The following BAZ1A variants were observed in gnomAD, a reference collection of about 807,000 sequenced individuals.
BAZ1A encodes the protein bromodomain adjacent to zinc finger domain 1A.
In BAZ1A, 50 loss-of-function variants were observed where a neutral mutation model predicts 185.2. The observed-to-expected ratio is 0.27, with a 90% CI of 0.22 to 0.34. The LOEUF (loss-of-function observed/expected upper bound fraction) is 0.34. Among genes scored for constraint, BAZ1A ranks in the 10% least tolerant of loss-of-function variants. The pLI is 1.00. For synonymous variants in BAZ1A, 571 were observed against 615.6 expected, an observed-to-expected ratio of 0.93 and a Z score of 1.07; for missense variants, 1,356 against 1,839.9, an observed-to-expected ratio of 0.74 and a Z score of 4.81.
rs147149723 is a variant in BAZ1A at position 34,765,250 on chromosome 14, C to T, written c.3320G>A (p.Arg1107His). Residue 1107 changes from arginine (R) to histidine (H), a missense_variant, in exon 22 of 27, where the codon CGT (arginine) becomes CAT (histidine). By Grantham distance (29) the Arg-to-His change is conservative. Around this residue, in one of 7 missense-constraint regions of BAZ1A, gnomAD observed 434 missense variants for 561.7 expected, o/e 0.77. Transcript: ENST00000360310. Reference sequence around the variant, plus strand: ...ACGGTCCAGAACTGTTTTATAAGAACGCCCACTGTCACTGGCATCTTAAAT... The same window carrying T: ...ACGGTCCAGAACTGTTTTATAAGAATGCCCACTGTCACTGGCATCTTAAAT... ...KAPLDASDSG[R>H]SYKTVLDRWR... 7 of 1,613,288 alleles carry T rather than the reference C, an allele frequency of 4.3e-6. No individual in the cohort carries two copies. The highest frequency in any genetic ancestry group is 2.2e-5 in the East Asian group (1 of 44,868).
intron 25 of BAZ1A, among the ~76,000 whole-genome samples, chr14:34,758,088 G>C (rs1344529546): frequency 7.1e-6 from 1 of 140,762 alleles, no homozygotes; most frequent in Non-Finnish European, 1.5e-5. Flanking sequence ...TTCAAGACCA[G>C]CCTGGCAATG....
intron 3 of BAZ1A, among the ~76,000 whole-genome samples, chr14:34,852,122 G>T (rs1488837525): frequency 6.6e-6 from 1 of 150,488 alleles, no homozygotes; most frequent in Non-Finnish European, 1.5e-5. Flanking sequence ...GCTAGACTCC[G>T]TCTCAAAGAA....
intron 2 of BAZ1A, among the ~76,000 whole-genome samples, chr14:34,870,269 C>G (rs1435445694): frequency 2.6e-5 from 4 of 152,186 alleles, no homozygotes; most frequent in Non-Finnish European, 2.9e-5. Flanking sequence ...GGAATCTCTG[C>G]TATACCATCC....
chr14:34,808,291 C>T (rs559623600), intron 5 of BAZ1A, among the ~76,000 whole-genome samples: 8 of 151,922 alleles, frequency 5.3e-5, no homozygotes, highest in African/African-American at 1.2e-4. Flanking sequence ...GTCAGGAGTT[C>T]GAGACCAGCC....
chr14:34,846,727 A>G (rs2042518284), intron 3 of BAZ1A, among the ~76,000 whole-genome samples: 1 of 152,152 alleles, frequency 6.6e-6, no homozygotes, highest in Non-Finnish European at 1.5e-5. Context: ...TTGCAATGAC[A>G]ATCCAGGAGC....
chr14:34,844,531 C>T (rs536555062), intron 3 of BAZ1A, among the ~76,000 whole-genome samples: 43 of 151,902 alleles, frequency 2.8e-4, no homozygotes, highest in Admixed American at 2.6e-4. Context: ...AATCCCAGCA[C>T]TTTGGGAGGC....
Position 34,771,606 on chromosome 14 carries a change from G to T in BAZ1A, c.3206C>A (p.Thr1069Lys). Residue 1069 changes from threonine (T) to lysine (K), a missense_variant, in exon 21 of 27, where the codon ACA (threonine) becomes AAA (lysine). Physicochemically the swap from Thr to Lys is moderately conservative, Grantham distance 78 (BLOSUM62 -1). This residue lies in a region of BAZ1A where 434 missense variants were observed against 561.7 expected (regional missense o/e 0.77). Transcript: ENST00000360310. ...AACCACACTGCTCACTGATTGTGGT[G>T]TACTTGCATTTGTTGATACAGTACT... ...TPSTVSTNAS[T>K]PQSVSSVVHY... 1.9e-6 allele frequency: 3 copies of T among 1,613,972 alleles called. No homozygotes were observed. Among genetic ancestry groups the T allele is most frequent in the Non-Finnish European group, 2.5e-6 (3 of 1,179,900 alleles).
At chr14:34,872,970 T>G (rs542694131) in intron 2 of BAZ1A, among the ~76,000 whole-genome samples, 2 of 143,100 alleles carry the variant, frequency 1.4e-5, no homozygotes, top group Admixed American at 1.4e-4. Flanking sequence ...CCAAGTTCAC[T>G]TAACTAGTTA....
intron 3 of BAZ1A, among the ~76,000 whole-genome samples, chr14:34,843,994 A>C (rs967821109): frequency 2.0e-5 from 3 of 151,234 alleles, no homozygotes; most frequent in African/African-American, 7.3e-5. Flanking sequence ...TCACGAGGTC[A>C]GGAGATCGAG....
At chr14:34,811,494 CT>C (rs548193684) in intron 4 of BAZ1A, among the ~76,000 whole-genome samples, 1 of 151,842 alleles carries the variant, frequency 6.6e-6, no homozygotes, top group South Asian at 2.1e-4. Flanking sequence ...AGAGTCTCGC[CT>C]TGTCACCCAG....
At chr14:34,758,129 A>C (rs2099600742) in intron 25 of BAZ1A, among the ~76,000 whole-genome samples, 3 of 151,916 alleles carry the variant, frequency 2.0e-5, no homozygotes, top group Admixed American at 6.6e-5. Flanking sequence ...AAAAAAAAAA[A>C]AAAAACAGCT....
intron 11 of BAZ1A, among the ~76,000 whole-genome samples, chr14:34,793,385 C>T (rs1409896809): frequency 1.3e-5 from 2 of 152,200 alleles, no homozygotes; most frequent in Non-Finnish European, 2.9e-5. Flanking sequence ...TCTAATTCAT[C>T]TCACCTAAAC....
At chr14:34,839,920 A>AAAT (rs397789375) in intron 3 of BAZ1A, among the ~76,000 whole-genome samples, 6 of 151,442 alleles carry the variant, frequency 4.0e-5, no homozygotes, top group Non-Finnish European at 8.8e-5. Context: ...ACAATTAAAA[A>AAAT]TTTTTTTAAG....
chr14:34,784,778 A>G (rs1175655346), intron 14 of BAZ1A, among the ~76,000 whole-genome samples: 1 of 151,994 alleles, frequency 6.6e-6, no homozygotes, highest in Non-Finnish European at 1.5e-5. Context: ...TCAGCCTCCC[A>G]AAGTACTGGG....
At chr14:34,821,303 G>A (rs945020644) in intron 4 of BAZ1A, among the ~76,000 whole-genome samples, 11 of 152,124 alleles carry the variant, frequency 7.2e-5, no homozygotes, top group Non-Finnish European at 1.2e-4. Context: ...ATTACAGAAT[G>A]ATTCTAAGAA....
At position 34,832,215 on chromosome 14, in the gene BAZ1A, C is replaced by CACACATATATATATAT; in HGVS notation, c.393-6060_393-6059insATATATATATATGTGT. 3.5e-3 allele frequency among the ~76,000 whole-genome samples: 316 copies of CACACATATATATATAT among 89,666 alleles called. 4 individuals are homozygous for CACACATATATATATAT. The highest frequency in any genetic ancestry group is 0.01 in the African/African-American group (280 of 26,764). 58.8% of individuals were successfully genotyped at this position (89,666 alleles called of 152,430 possible). A position where few individuals can be genotyped will look rare whatever the true frequency, so the allele number is the denominator to read the frequency against. On this transcript the variant is annotated intron_variant, in intron 3 of 26. Transcript: ENST00000360310. ...ATACACACACACACACACACACACA[C>CACACATATATATATAT]ATATATATATATATATGTATGTATG...
intron 14 of BAZ1A, among the ~76,000 whole-genome samples, chr14:34,784,960 G>A (rs1025547998): frequency 5.3e-5 from 8 of 151,668 alleles, no homozygotes; most frequent in African/African-American, 9.7e-5. Context: ...GGGTTCAAGC[G>A]ATTCTCCTGC....
chr14:34,863,936 G>A (rs2138825232), intron 2 of BAZ1A, among the ~76,000 whole-genome samples: 1 of 151,526 alleles, frequency 6.6e-6, no homozygotes, highest in South Asian at 2.1e-4. Flanking sequence ...ATTCTGTCTT[G>A]CCTCAGCCTC....
At chr14:34,772,047 C>T (rs748808115) in intron 20 of BAZ1A, among the ~76,000 whole-genome samples, 11 of 151,910 alleles carry the variant, frequency 7.2e-5, no homozygotes, top group Non-Finnish European at 1.5e-4. Flanking sequence ...CTCTGCCTCC[C>T]GGGTTCACAC....
Sources: gnomAD v4.1 joint callset for allele counts (sites outside exome capture counted in the v4.1 genomes callset) on GRCh38, gnomAD v4.1.1 for gene constraint, gnomAD v4.1.1 regional missense constraint, MANE v1.5 for transcripts, NCBI Gene and HGNC (gene_info 2026-07-23, HGNC 2026-07-21) for gene names.